The following GALNT13 variants were observed in gnomAD, a reference collection of about 807,000 sequenced individuals.
GALNT13 encodes the protein UDP-GalNAc:polypeptide N-acetylgalactosaminyltransferase 13.
GALNT13 carries 28 observed loss-of-function variants against 64.2 expected under a neutral mutation model. The ratio of observed to expected loss-of-function variants is 0.44; its 90% CI spans 0.32 to 0.60. The LOEUF is 0.60. GALNT13 is among the 20% of genes least tolerant of loss of function. GALNT13 has a pLI of 0.05. For missense variants in GALNT13, 577 were observed against 669.8 expected (o/e 0.86, Z 1.53); for synonymous variants, 214 against 224.6 (o/e 0.95, Z 0.42).
the GALNT13 span, among the ~76,000 whole-genome samples, chr2:153,793,942 AG>A: frequency 1.3e-5 from 2 of 152,180 alleles, no homozygotes; most frequent in Non-Finnish European, 2.9e-5. Flanking sequence ...TTCTCTTATA[AG>A]GAGGTTGGTC....
the GALNT13 span, among the ~76,000 whole-genome samples, chr2:153,706,941 A>T: frequency 6.6e-6 from 1 of 152,110 alleles, no homozygotes; most frequent in Admixed American, 6.6e-5. Flanking sequence ...GTATTTGTTG[A>T]GGGAGGGATC....
chr2:153,487,444 A>G, the GALNT13 span, among the ~76,000 whole-genome samples: 51 of 152,300 alleles, frequency 3.3e-4, no homozygotes, highest in African/African-American at 1.1e-3. Flanking sequence ...TTTTATGGCA[A>G]TTAATTAGTG....
the GALNT13 span, among the ~76,000 whole-genome samples, chr2:153,541,527 C>T: frequency 2.6e-5 from 4 of 152,190 alleles, no homozygotes; most frequent in Non-Finnish European, 4.4e-5. Flanking sequence ...GAACACCTTT[C>T]CCCAAAGCCA....
chr2:153,956,258 T>G (rs1011741042), intron 3 of GALNT13, among the ~76,000 whole-genome samples: 16 of 152,108 alleles, frequency 1.1e-4, no homozygotes, highest in Admixed American at 9.8e-4. Context: ...ACAAAAAAAC[T>G]AATGGAGAGA....
At chr2:153,936,615 T>C (rs1056977259) in intron 2 of GALNT13, among the ~76,000 whole-genome samples, 1 of 152,202 alleles carries the variant, frequency 6.6e-6, no homozygotes, top group African/African-American at 2.4e-5. Flanking sequence ...TTCTTAGCGA[T>C]GAACCATACT....
intron 1 of GALNT13, among the ~76,000 whole-genome samples, chr2:153,892,346 A>C (rs1687607525): frequency 6.6e-6 from 1 of 152,090 alleles, no homozygotes; most frequent in Non-Finnish European, 1.5e-5. Flanking sequence ...TTTTTCTGGA[A>C]TATAATGAGG....
intron 2 of GALNT13, among the ~76,000 whole-genome samples, chr2:153,914,219 A>G (rs1227962123): frequency 6.6e-6 from 1 of 152,154 alleles, no homozygotes; most frequent in Admixed American, 6.5e-5. Context: ...CTTGTTCACA[A>G]ATCAAAGAGA....
chr2:154,224,714 A>C (rs1688495986), intron 4 of GALNT13, among the ~76,000 whole-genome samples: 1 of 152,118 alleles, frequency 6.6e-6, no homozygotes, highest in Admixed American at 6.6e-5. Context: ...TCATTTGATA[A>C]AAGATATAAT....
At chr2:153,963,200 T>A (rs1693061759) in intron 3 of GALNT13, among the ~76,000 whole-genome samples, 1 of 152,240 alleles carries the variant, frequency 6.6e-6, no homozygotes, top group Non-Finnish European at 1.5e-5. Flanking sequence ...GCATTAATTC[T>A]ATTAATTAGG....
At chr2:153,950,562 C>T (rs1047989603) in intron 3 of GALNT13, among the ~76,000 whole-genome samples, 14 of 152,102 alleles carry the variant, frequency 9.2e-5, no homozygotes, top group African/African-American at 3.4e-4. Flanking sequence ...TAACTCAGCA[C>T]TTATAGTCAT....
At chr2:153,362,076 T>C in the GALNT13 span, among the ~76,000 whole-genome samples, 4 of 152,228 alleles carry the variant, frequency 2.6e-5, no homozygotes, top group Admixed American at 6.5e-5. Flanking sequence ...TCAACAATCT[T>C]AAAGAAAAGA....
chr2:153,433,568 G>T, the GALNT13 span, among the ~76,000 whole-genome samples: 19 of 152,008 alleles, frequency 1.2e-4, no homozygotes, highest in South Asian at 3.7e-3. Flanking sequence ...TAAAGTTTCA[G>T]ACTTTAATAA....
chr2:153,865,524 A>C, the GALNT13 span, among the ~76,000 whole-genome samples: 1 of 114,298 alleles, frequency 8.7e-6, no homozygotes, highest in Admixed American at 1.0e-4. Context: ...ACTTCTCAAA[A>C]GAAGACATTT....
chr2:153,710,343 A>T, the GALNT13 span, among the ~76,000 whole-genome samples: 1 of 152,104 alleles, frequency 6.6e-6, no homozygotes, highest in Non-Finnish European at 1.5e-5. Context: ...CAAAGAGATG[A>T]TGTCATCACA....
the GALNT13 span, among the ~76,000 whole-genome samples, chr2:153,340,440 A>G: frequency 6.6e-6 from 1 of 151,512 alleles, no homozygotes; most frequent in South Asian, 2.1e-4. Context: ...GTGGATCACA[A>G]GGTCAGGAGT....
the GALNT13 span, among the ~76,000 whole-genome samples, chr2:153,530,636 G>A: frequency 6.6e-6 from 1 of 152,050 alleles, no homozygotes; most frequent in Non-Finnish European, 1.5e-5. Context: ...TGGAGTTGTA[G>A]TAACCAAACA....
chr2:153,965,962 A>G (rs1463038283), intron 3 of GALNT13, among the ~76,000 whole-genome samples: 2 of 152,036 alleles, frequency 1.3e-5, no homozygotes, highest in African/African-American at 2.4e-5. Context: ...CCTACTACAT[A>G]TATGAGTGAC....
intron 3 of GALNT13, among the ~76,000 whole-genome samples, chr2:154,097,090 G>T (rs1174932605): frequency 6.6e-6 from 1 of 151,958 alleles, no homozygotes; most frequent in Non-Finnish European, 1.5e-5. Context: ...ATTTTAAGAA[G>T]TCTTTATTTT....
chr2:153,365,518 G>A, the GALNT13 span, among the ~76,000 whole-genome samples: 1 of 151,974 alleles, frequency 6.6e-6, no homozygotes, highest in Admixed American at 6.6e-5. Flanking sequence ...AACATCCAGA[G>A]TCTACAAGGG....
Sources: gnomAD v4.1 joint callset for allele counts (sites outside exome capture counted in the v4.1 genomes callset) on GRCh38, gnomAD v4.1.1 for gene constraint, MANE v1.5 for transcripts, NCBI Gene and HGNC (gene_info 2026-07-23, HGNC 2026-07-21) for gene names.